RAD51B: variants seen among roughly 807,000 people sequenced by gnomAD.
RAD51B encodes DNA repair protein RAD51 homolog 2.
Under a neutral mutation model 42.2 loss-of-function variants are expected in RAD51B, and 38 were observed. That is an observed-to-expected ratio of 0.90 (90% CI 0.70 to 1.18). The LOEUF is 1.18. Among genes scored for constraint, RAD51B ranks in the 50% most tolerant of loss-of-function variants. The pLI is 0.00. For synonymous variants in RAD51B, 154 were observed against 145.2 expected (o/e 1.06, Z -0.43); for missense variants, 373 against 400.7 (o/e 0.93, Z 0.59).
chr14:68,681,273 G>A lies in RAD51B; in HGVS notation c.*11+30417G>A, dbSNP rs547249922. Among the ~76,000 whole-genome samples the A allele has an allele frequency of 2.0e-5, 3 of 152,318 alleles. No individual in the cohort carries two copies. The East Asian group carries it at 5.8e-4, about 29-fold the overall frequency. On this transcript the variant is annotated intron_variant, in intron 11 of 11. Coordinates refer to the RAD51B transcript ENST00000488612. ...GTTGCTAGGGTTTATCAGAGGGTTT[G>A]GAGTGTCTACTCGAGGTGTTCCAAA...
In RAD51B at chr14:67,971,454, T is replaced by C. The variant is rs185168497; in HGVS notation, c.756+84250T>C. On this transcript the variant is annotated intron_variant, in intron 7 of 10. Coordinates refer to ENST00000471583, the MANE Select transcript of RAD51B (RefSeq NM_133510.4). ...AGAAGAGAAATTAGAGAGGATACCATTGACTTGCTTTGTATCTGTTGTTCT... is the reference window on the plus strand; with the variant it reads ...AGAAGAGAAATTAGAGAGGATACCACTGACTTGCTTTGTATCTGTTGTTCT... Among the ~76,000 whole-genome samples, 916 of 152,254 alleles carry C rather than the reference T, an allele frequency of 6.0e-3. 11 individuals are homozygous for C. Among genetic ancestry groups the C allele is most frequent in the Middle Eastern group, 0.02 (6 of 294 alleles).
At chr14:68,594,621 G>T in exon 11 of RAD51B, 1 of 1,280,722 alleles carries the variant, frequency 7.8e-7, no homozygotes, top group Non-Finnish European at 1.0e-6. Flanking sequence ...TAGAGGTGGG[G>T]TCTCATTATG....
chr14:68,577,719 AT>A (rs1312051997), intron 10 of RAD51B, among the ~76,000 whole-genome samples: 1 of 152,072 alleles, frequency 6.6e-6, no homozygotes, highest in Non-Finnish European at 1.5e-5. Context: ...TACCAGATAC[AT>A]TTGTGTTTAT....
intron 7 of RAD51B, among the ~76,000 whole-genome samples, chr14:68,072,376 G>A (rs893937923): frequency 5.3e-5 from 8 of 151,754 alleles, no homozygotes; most frequent in African/African-American, 1.5e-4. Context: ...AGGAGAGTGA[G>A]TCCAAGTCCC....
chr14:68,158,831 T>C (rs989183140), intron 7 of RAD51B, among the ~76,000 whole-genome samples: 2 of 152,284 alleles, frequency 1.3e-5, no homozygotes, highest in East Asian at 1.9e-4. Flanking sequence ...AATACTTTCA[T>C]TGGCCACATA....
At chr14:68,397,550 AC>A (rs1190002995) in intron 8 of RAD51B, among the ~76,000 whole-genome samples, 2 of 152,204 alleles carry the variant, frequency 1.3e-5, no homozygotes, top group African/African-American at 4.8e-5. Context: ...GGTAAACTGC[AC>A]ACTGTTTGGA....
intron 7 of RAD51B, among the ~76,000 whole-genome samples, chr14:68,089,966 A>G (rs911984957): frequency 2.6e-5 from 4 of 152,154 alleles, no homozygotes; most frequent in African/African-American, 9.6e-5. Flanking sequence ...TTAGATTTAT[A>G]TATAAAGTTT....
chr14:68,564,316 T>G (rs866622713), intron 10 of RAD51B, among the ~76,000 whole-genome samples: 95 of 152,360 alleles, frequency 6.2e-4, no homozygotes, highest in African/African-American at 2.0e-3. Context: ...CTTTGCAGCC[T>G]GTGGGTATTG....
intron 10 of RAD51B, among the ~76,000 whole-genome samples, chr14:68,590,927 A>T (rs1890712462): frequency 6.6e-6 from 1 of 152,084 alleles, no homozygotes; most frequent in African/African-American, 2.4e-5. Context: ...GGCCCCATGA[A>T]GTTCTCACTA....
intron 7 of RAD51B, among the ~76,000 whole-genome samples, chr14:68,245,181 A>G (rs563395219): frequency 3.9e-5 from 6 of 152,220 alleles, no homozygotes; most frequent in African/African-American, 1.4e-4. Context: ...GGGTCTAACA[A>G]ATTGGGGTGG....
intron 7 of RAD51B, among the ~76,000 whole-genome samples, chr14:67,995,677 G>C (rs556405802): frequency 7.1e-4 from 108 of 151,518 alleles, no homozygotes; most frequent in South Asian, 4.0e-3. Flanking sequence ...GAGTGCAGTG[G>C]CGCAATCTCA....
chr14:68,421,352 C>G (rs930532425), intron 9 of RAD51B, among the ~76,000 whole-genome samples: 3 of 152,060 alleles, frequency 2.0e-5, no homozygotes, highest in Non-Finnish European at 4.4e-5. Context: ...CTGCTTATCT[C>G]CTGGGGTGGC....
downstream of RAD51B, among the ~76,000 whole-genome samples, chr14:68,612,896 A>G (rs1279731790): frequency 1.3e-5 from 2 of 151,978 alleles, no homozygotes; most frequent in Non-Finnish European, 2.9e-5. Flanking sequence ...AGGAAATGCA[A>G]GTGGGAACTC....
chr14:68,058,507 A>C (rs1403221703), intron 7 of RAD51B, among the ~76,000 whole-genome samples: 1 of 152,172 alleles, frequency 6.6e-6, no homozygotes. Flanking sequence ...ACAAACAAGC[A>C]TGTGTAGGCA....
chr14:68,681,783 T>C (rs1893436342), intron 11 of RAD51B, among the ~76,000 whole-genome samples: 2 of 152,210 alleles, frequency 1.3e-5, no homozygotes, highest in African/African-American at 4.8e-5. Flanking sequence ...CTGTTGAAAG[T>C]GTGAGCCAGC....
At position 68,343,479 on chromosome 14, in the gene RAD51B, G is replaced by A. The variant is rs538751143; in HGVS notation, c.853+51499G>A. ...TGACAGCCTACAATCAGATATATGA[G>A]CAAAGAAATGATTTAAAGTTGGAAC... is the stretch of plus-strand genomic sequence containing the variant. On this transcript the variant is annotated intron_variant, in intron 8 of 10. Coordinates refer to ENST00000471583, the MANE Select transcript of RAD51B (RefSeq NM_133510.4). Among the ~76,000 whole-genome samples the A allele has an allele frequency of 2.6e-5, 4 of 152,252 alleles. No homozygotes were observed. The East Asian group carries it at 7.7e-4, about 29-fold the overall frequency.
chr14:68,020,744 A>G (rs1018762282), intron 7 of RAD51B, among the ~76,000 whole-genome samples: 2 of 152,176 alleles, frequency 1.3e-5, no homozygotes, highest in Non-Finnish European at 2.9e-5. Flanking sequence ...AATGGTTTAA[A>G]TGGTAAATTT....
At chr14:68,341,686 C>T (rs2082575782) in intron 8 of RAD51B, among the ~76,000 whole-genome samples, 1 of 152,160 alleles carries the variant, frequency 6.6e-6, no homozygotes. Flanking sequence ...TGGTCTGTAT[C>T]ACTTAGGATC....
chr14:68,068,738 G>A (rs922245534), intron 7 of RAD51B, among the ~76,000 whole-genome samples: 1 of 152,094 alleles, frequency 6.6e-6, no homozygotes, highest in African/African-American at 2.4e-5. Context: ...CACCAGCAAT[G>A]CATGAAGATT....
Sources: gnomAD v4.1 joint callset for allele counts (sites outside exome capture counted in the v4.1 genomes callset) on GRCh38, gnomAD v4.1.1 for gene constraint, MANE v1.5 for transcripts, NCBI Gene and HGNC (gene_info 2026-07-23, HGNC 2026-07-21) for gene names.